The following NLRP2 variants were observed in gnomAD, a reference collection of about 807,000 sequenced individuals.
NLRP2 encodes the protein NACHT, LRR and PYD domains-containing protein 2.
NLRP2 carries 107 observed loss-of-function variants against 97.2 expected under a neutral mutation model. That is an observed-to-expected ratio of 1.10 (90% CI 0.94 to 1.29). NLRP2 has a LOEUF of 1.29. NLRP2 is among the 50% of genes most tolerant of loss of function. The pLI is 0.00. For missense variants in NLRP2, 1,495 were observed against 1,330.3 expected (o/e 1.12, Z -1.93); for synonymous variants, 663 against 551.5 (o/e 1.20, Z -2.83).
At chr19:54,971,152 C>A (rs1040482193) in intron 2 of NLRP2, among the ~76,000 whole-genome samples, 2 of 151,182 alleles carry the variant, frequency 1.3e-5, no homozygotes, top group African/African-American at 4.9e-5. Context: ...GACATGAACT[C>A]ATCATTTTTT....
At chr19:54,968,382 T>G (rs2070614211) in intron 1 of NLRP2, among the ~76,000 whole-genome samples, 1 of 151,818 alleles carries the variant, frequency 6.6e-6, no homozygotes, top group Non-Finnish European at 1.5e-5. Flanking sequence ...TGGAGTGCAG[T>G]GGTGCGATCA....
intron 2 of NLRP2, 102 bp downstream of exon 2, chr19:54,970,397 T>A: frequency 7.1e-7 from 1 of 1,416,940 alleles, no homozygotes; most frequent in South Asian, 1.2e-5. Context: ...ACGCCTGTCG[T>A]CCCAGCCCTT....
Position 54,975,092 on chromosome 19 carries a change from C to T in NLRP2, c.325+548C>T, listed in dbSNP as rs539024944. Among the ~76,000 whole-genome samples, 45 of 135,816 alleles carry T rather than the reference C, an allele frequency of 3.3e-4. 1 individual carries two copies. The South Asian group carries it at 9.6e-3, about 29-fold the overall frequency. The allele number at this position is 135,816 out of a possible 152,430, so 89.1% of individuals were successfully genotyped here. On this transcript the variant is annotated intron_variant, in intron 3 of 12. Transcript: ENST00000448584. ...CTGGGATTATGGGCATGAGCCACCA[C>T]CACACCCGGTTTTGTTTTTTTTTTT... is the stretch of plus-strand genomic sequence containing the variant.
chr19:54,970,232 C>T lies in NLRP2; in HGVS notation c.217C>T (p.Leu73Phe), dbSNP rs1296793060. The T allele has an allele frequency of 2.5e-6, 4 of 1,614,180 alleles. No homozygotes were observed. Among genetic ancestry groups the T allele is most frequent in the Non-Finnish European group, 3.4e-6 (4 of 1,180,038 alleles). The change falls in exon 2 of 13, where the codon CTC (leucine) becomes TTC (phenylalanine). Residue 73 changes from leucine to phenylalanine, a missense_variant. Transcript: ENST00000448584. ...CDSYWVEMASLQVFEKMHRMD... is the reference protein window; with the variant it reads ...CDSYWVEMASFQVFEKMHRMD... Reference sequence around the variant, plus strand: ...CAGCTACTGGGTGGAGATGGCGAGCCTCCAGGTCTTTGAAAAGATGCACCG... The same window carrying T: ...CAGCTACTGGGTGGAGATGGCGAGCTTCCAGGTCTTTGAAAAGATGCACCG...
At chr19:54,998,611 C>CTTTTTTTTTTTCCTATTTTTTTTTT (rs2072981049) in intron 12 of NLRP2, among the ~76,000 whole-genome samples, 1 of 42,198 alleles carries the variant, frequency 2.4e-5, no homozygotes, top group Non-Finnish European at 4.6e-5. Context: ...CATCTTTTTT[C>CTTTTTTTTTTTCCTATTTTTTTTTT]TTTTTTTTTT....
chr19:54,995,662 A>G (rs2072768304), intron 11 of NLRP2, among the ~76,000 whole-genome samples: 1 of 152,090 alleles, frequency 6.6e-6, no homozygotes, highest in Admixed American at 6.6e-5. Context: ...AGTGGTCTCA[A>G]CTTGGCTATC....
intron 6 of NLRP2, among the ~76,000 whole-genome samples, chr19:54,984,483 A>ATTTTTTTTTT (rs1568505832): frequency 1.7e-4 from 8 of 46,182 alleles, no homozygotes; most frequent in African/African-American, 3.9e-4. Context: ...TATATTCCCA[A>ATTTTTTTTTT]TCTTTTTTTT....
chr19:54,973,565 G>T (rs767233480), intron 2 of NLRP2, among the ~76,000 whole-genome samples: 1 of 151,816 alleles, frequency 6.6e-6, no homozygotes, highest in African/African-American at 2.4e-5. Flanking sequence ...GTAGAGACAG[G>T]GTTTTACCAT....
At chr19:54,980,986 C>T (rs920514861) in intron 4 of NLRP2, among the ~76,000 whole-genome samples, 6 of 152,150 alleles carry the variant, frequency 3.9e-5, no homozygotes, top group Non-Finnish European at 1.5e-5. Context: ...TGGCACATGC[C>T]TGTAATTCCA....
At chr19:54,989,146 C>T (rs981222132) in intron 8 of NLRP2, among the ~76,000 whole-genome samples, 4 of 151,584 alleles carry the variant, frequency 2.6e-5, no homozygotes, top group Non-Finnish European at 4.4e-5. Flanking sequence ...TTAGTAGAGC[C>T]GGGGTTTCAC....
chr19:54,990,922 A>T, intron 10 of NLRP2: 1 of 554,506 alleles, frequency 1.8e-6, no homozygotes, highest in Non-Finnish European at 3.2e-6. Context: ...CTCTTTATGT[A>T]TGTATGTATT....
At chr19:54,981,144 G>A (rs746064433) in intron 4 of NLRP2, among the ~76,000 whole-genome samples, 9 of 152,056 alleles carry the variant, frequency 5.9e-5, no homozygotes, top group Non-Finnish European at 1.2e-4. Flanking sequence ...CCTCTTGTTT[G>A]TATGCCCTGA....
chr19:54,981,782 T>C lies in NLRP2; in HGVS notation c.463+100T>C, dbSNP rs2071593299. ...CTATGTAACACAAAGCATTTATTTA[T>C]GTATGTATGTATCGAGACGGAGTTT... On this transcript the variant is annotated intron_variant, in intron 5 of 12. Coordinates refer to ENST00000448584, the MANE Select transcript of NLRP2 (RefSeq NM_017852.5). 1.7e-5 allele frequency: 14 copies of C among 801,700 alleles called. No individual in the cohort carries two copies. The East Asian group carries it at 2.5e-4, about 14-fold the overall frequency. 49.7% of individuals were successfully genotyped at this position (801,700 alleles called of 1,614,324 possible).
At chr19:54,968,943 C>A (rs540904089) in intron 1 of NLRP2, among the ~76,000 whole-genome samples, 1 of 152,044 alleles carries the variant, frequency 6.6e-6, no homozygotes, top group South Asian at 2.1e-4. Context: ...CCTCACGATC[C>A]GCCCGCCTCG....
intron 12 of NLRP2, among the ~76,000 whole-genome samples, chr19:54,998,028 T>C (rs893512410): frequency 2.0e-5 from 3 of 147,502 alleles, no homozygotes; most frequent in African/African-American, 7.5e-5. Context: ...TTTCTTTCTT[T>C]TTTTTTTTTT....
rs2072557602 is a variant in NLRP2 at position 54,992,572 on chromosome 19, TG to T, written c.2709-1695del. Among the ~76,000 whole-genome samples, 18 of 99,856 alleles carry T rather than the reference TG, an allele frequency of 1.8e-4. No homozygotes were observed. In the East Asian group the frequency reaches 3.0e-3, roughly 17 times the overall value. 65.5% of individuals were successfully genotyped at this position (99,856 alleles called of 152,430 possible). A position where few individuals can be genotyped will look rare whatever the true frequency, so the allele number is the denominator to read the frequency against. Reference sequence around the variant, plus strand: ...GGGGGTTTTCTTTTTTTTTTTTTTTTGGTTTTTTTTTTTTGATAGTCTTGCT... The same window carrying T: ...GGGGGTTTTCTTTTTTTTTTTTTTTTGTTTTTTTTTTTTGATAGTCTTGCT... On this transcript the variant is annotated intron_variant, in intron 10 of 12. Transcript: ENST00000448584.
chr19:54,988,259 G>C (rs2072227881), intron 8 of NLRP2, among the ~76,000 whole-genome samples: 1 of 151,998 alleles, frequency 6.6e-6, no homozygotes, highest in African/African-American at 2.4e-5. Flanking sequence ...GGGTGAGGGG[G>C]AATATTGGGT....
chr19:54,982,025 G>T, intron 5 of NLRP2, 137 bp from the exon 6 acceptor site: 1 of 1,055,750 alleles, frequency 9.5e-7, no homozygotes. Context: ...TGATCTGCCT[G>T]CCTCGACCTC....
At chr19:54,979,271 C>A (rs185795490) in intron 4 of NLRP2, among the ~76,000 whole-genome samples, 35 of 152,174 alleles carry the variant, frequency 2.3e-4, no homozygotes, top group Admixed American at 1.1e-3. Flanking sequence ...AGCTGTGAAC[C>A]ACCGCACCTA....
Sources: gnomAD v4.1 joint callset for allele counts (sites outside exome capture counted in the v4.1 genomes callset) on GRCh38, gnomAD v4.1.1 for gene constraint, MANE v1.5 for transcripts, NCBI Gene and HGNC (gene_info 2026-07-23, HGNC 2026-07-21) for gene names.